CCDC73: variants seen among roughly 807,000 people sequenced by gnomAD.
CCDC73 encodes the protein coiled-coil domain-containing protein 73.
Under a neutral mutation model 116.5 loss-of-function variants are expected in CCDC73, and 95 were observed. The ratio of observed to expected loss-of-function variants is 0.82; its 90% confidence interval spans 0.69 to 0.97. CCDC73 has a LOEUF of 0.97. Ranked by LOEUF, CCDC73 falls within the 50% of genes least tolerant of loss-of-function variation. The pLI is 0.00. For synonymous variants in CCDC73, 398 were observed against 401.3 expected (o/e 0.99, Z 0.10); for missense variants, 1,066 against 1,206.8 (o/e 0.88, Z 1.73).
At chr11:32,679,951 C>A (rs765465456) in intron 7 of CCDC73, 1 of 152,154 alleles carries the variant, frequency 6.6e-6, no homozygotes, top group Non-Finnish European at 1.5e-5. Context: ...AATGAAAATG[C>A]AGTTTCATTG....
intron 9 of CCDC73, among the ~76,000 whole-genome samples, chr11:32,659,073 T>G (rs1383481085): frequency 1.3e-5 from 2 of 150,104 alleles, no homozygotes; most frequent in Non-Finnish European, 2.9e-5. Context: ...AGGTTAACTA[T>G]TCTCAAAAAA....
intron 7 of CCDC73, among the ~76,000 whole-genome samples, chr11:32,676,743 C>T (rs1856092467): frequency 6.6e-6 from 1 of 152,046 alleles, no homozygotes; most frequent in East Asian, 1.9e-4. Flanking sequence ...TATGCTCAGC[C>T]GCTGAACTCC....
At chr11:32,781,654 T>G (rs530854521) in intron 1 of CCDC73, among the ~76,000 whole-genome samples, 1 of 152,298 alleles carries the variant, frequency 6.6e-6, no homozygotes, top group South Asian at 2.1e-4. Context: ...ACTGAGCCTC[T>G]GGAATGGGTT....
the CCDC73 span, among the ~76,000 whole-genome samples, chr11:32,819,711 T>C: frequency 6.6e-6 from 1 of 152,184 alleles, no homozygotes; most frequent in South Asian, 2.1e-4. Context: ...TCCTCTTGCC[T>C]CAGCCTCCCA....
intron 14 of CCDC73, among the ~76,000 whole-genome samples, chr11:32,623,102 G>C (rs570680914): frequency 6.6e-6 from 1 of 151,754 alleles, no homozygotes; most frequent in African/African-American, 2.4e-5. Context: ...TCTGCCTTCC[G>C]GTTTCAAGTG....
intron 9 of CCDC73, among the ~76,000 whole-genome samples, chr11:32,667,210 G>A (rs184547759): frequency 6.6e-6 from 1 of 152,240 alleles, no homozygotes; most frequent in Non-Finnish European, 1.5e-5. Flanking sequence ...GGACATTTAA[G>A]TCTGCAGAGG....
chr11:32,722,398 A>G (rs1849997646), intron 2 of CCDC73, among the ~76,000 whole-genome samples: 1 of 152,200 alleles, frequency 6.6e-6, no homozygotes, highest in South Asian at 2.1e-4. Context: ...AGTCATTGGC[A>G]GGGGAAGTAC....
At chr11:32,739,379 TG>T (rs1565089620) in intron 2 of CCDC73, among the ~76,000 whole-genome samples, 1 of 152,116 alleles carries the variant, frequency 6.6e-6, no homozygotes, top group Non-Finnish European at 1.5e-5. Context: ...CTTTCACCAA[TG>T]TTTTATAGTT....
rs1565094194 is a variant in CCDC73, at chr11:32,755,661, A to ATATATGTGTATATATATATCTCCATT, written c.135+4447_135+4448insAATGGAGATATATATATACACATATA. 2.2e-3 allele frequency among the ~76,000 whole-genome samples: 179 copies of ATATATGTGTATATATATATCTCCATT among 82,548 alleles called. 22 individuals are homozygous for ATATATGTGTATATATATATCTCCATT. The highest frequency in any genetic ancestry group is 8.7e-3 in the African/African-American group (170 of 19,640). 54.2% of individuals were successfully genotyped at this position (82,548 alleles called of 152,430 possible). On this transcript the variant is annotated intron_variant, in intron 2 of 17. Transcript: ENST00000335185. ...TATATGTGTATATATATATCTCCAT[A>ATATATGTGTATATATATATCTCCATT]TATATGTGTATATATATATCTCCAT...
chr11:32,788,620 A>G (rs1043447220), intron 1 of CCDC73, among the ~76,000 whole-genome samples: 1 of 151,914 alleles, frequency 6.6e-6, no homozygotes, highest in Non-Finnish European at 1.5e-5. Context: ...GACTGCAGGC[A>G]CATGCCACAA....
chr11:32,665,981 T>C (rs191008923), intron 9 of CCDC73, among the ~76,000 whole-genome samples: 9 of 152,328 alleles, frequency 5.9e-5, no homozygotes, highest in Middle Eastern at 3.4e-3. Flanking sequence ...ATGTTGAATA[T>C]ATGGCCCACA....
At chr11:32,646,191 C>A (rs1253927653) in intron 12 of CCDC73, among the ~76,000 whole-genome samples, 1 of 152,188 alleles carries the variant, frequency 6.6e-6, no homozygotes, top group East Asian at 1.9e-4. Flanking sequence ...TTCAGGTATT[C>A]TCTCGATTTC....
At chr11:32,611,367 A>AT in intron 16 of CCDC73, 102 bp from the exon 17 acceptor site, 1 of 984,010 alleles carries the variant, frequency 1.0e-6, no homozygotes, top group Non-Finnish European at 1.5e-6. Flanking sequence ...TTTAAAAAGC[A>AT]ACAAATTTCT....
chr11:32,651,763 G>C lies in CCDC73; in HGVS notation c.939+1360C>G, dbSNP rs1035207323. On this transcript the variant is annotated intron_variant, in intron 12 of 17. Transcript: ENST00000335185. ...GCCAGTGCACTGGTCACATACTCATGAAACTGGCCCTGGCCTTGACTGATG... is the reference window on the plus strand; with the variant it reads ...GCCAGTGCACTGGTCACATACTCATCAAACTGGCCCTGGCCTTGACTGATG... 2.0e-5 allele frequency among the ~76,000 whole-genome samples: 3 copies of C among 152,244 alleles called. No individual in the cohort carries two copies. The East Asian group carries it at 5.8e-4, about 29-fold the overall frequency.
intron 14 of CCDC73, among the ~76,000 whole-genome samples, chr11:32,618,521 G>A (rs1028225292): frequency 5.3e-5 from 8 of 151,572 alleles, no homozygotes; most frequent in African/African-American, 9.8e-5. Flanking sequence ...CTGCAGCCTC[G>A]TTGGCATCTG....
At chr11:32,810,667 T>G in the CCDC73 span, among the ~76,000 whole-genome samples, 1 of 152,204 alleles carries the variant, frequency 6.6e-6, no homozygotes. Context: ...CAATTTTCTT[T>G]TTGTAGGATT....
Position 32,602,843 on chromosome 11 carries a change from C to G in CCDC73, c.3208G>C (p.Glu1070Gln), listed in dbSNP as rs761314792. The G allele has an allele frequency of 1.8e-5, 29 of 1,607,378 alleles. No individual in the cohort carries two copies. Among genetic ancestry groups the G allele is most frequent in the Non-Finnish European group, 1.7e-6 (2 of 1,177,296 alleles). ...DNQPKKRKAE[E>Q]TLEKNNRLK ...AATCTGTTGTTTTTTTCCAACGTCT[C>G]TTCTGCTTTTCTTTTCTTTGGCTGG... Residue 1070 changes from glutamate to glutamine, a missense_variant, in exon 18 of 18, where the codon GAG becomes CAG. Coordinates refer to ENST00000335185, the MANE Select transcript of CCDC73 (RefSeq NM_001008391.4).
At chr11:32,621,567 A>G (rs746904388) in intron 14 of CCDC73, among the ~76,000 whole-genome samples, 1 of 152,118 alleles carries the variant, frequency 6.6e-6, no homozygotes, top group Non-Finnish European at 1.5e-5. Context: ...AACCATAAAA[A>G]CCCTAGAAGA....
At chr11:32,790,274 C>T (rs139897694) in intron 1 of CCDC73, among the ~76,000 whole-genome samples, 13 of 152,300 alleles carry the variant, frequency 8.5e-5, no homozygotes, top group African/African-American at 2.9e-4. Flanking sequence ...ATTCCATCTC[C>T]TCTGAAGATT....
Sources: gnomAD v4.1 joint callset for allele counts (sites outside exome capture counted in the v4.1 genomes callset) on GRCh38, gnomAD v4.1.1 for gene constraint, MANE v1.5 for transcripts, NCBI Gene and HGNC (gene_info 2026-07-23, HGNC 2026-07-21) for gene names.